The following PFKP variants were observed in gnomAD, a reference collection of about 807,000 sequenced individuals.
PFKP encodes ATP-dependent 6-phosphofructokinase, platelet type.
In PFKP, 101 loss-of-function variants were observed where a neutral mutation model predicts 94.3. The observed-to-expected ratio is 1.07, with a 90% confidence interval of 0.91 to 1.26. The LOEUF (loss-of-function observed/expected upper bound fraction) is 1.26. PFKP is among the 50% of genes most tolerant of loss of function. The pLI is 0.00. For synonymous variants in PFKP, 573 were observed against 432.6 expected, an observed-to-expected ratio of 1.32 and a Z score of -4.03; for missense variants, 1,145 against 1,103.3, an observed-to-expected ratio of 1.04 and a Z score of -0.53.
chr10:3,087,573 T>C (rs1298558744), intron 2 of PFKP, among the ~76,000 whole-genome samples: 2 of 152,222 alleles, frequency 1.3e-5, no homozygotes, highest in Non-Finnish European at 2.9e-5. Flanking sequence ...ATTTTTATGA[T>C]AACTTTTATA....
intron 16 of PFKP, among the ~76,000 whole-genome samples, chr10:3,126,899 A>AG (rs1457897156): frequency 6.6e-6 from 1 of 152,216 alleles, no homozygotes; most frequent in African/African-American, 2.4e-5. Context: ...CCCATCGTGC[A>AG]GGGGGAACGG....
intron 10 of PFKP, among the ~76,000 whole-genome samples, chr10:3,111,431 G>A (rs1564319023): frequency 6.6e-6 from 1 of 152,128 alleles, no homozygotes; most frequent in African/African-American, 2.4e-5. Context: ...TGCGGTACGT[G>A]TATTTTGAGC....
At chr10:3,120,185 A>G (rs1837258528) in intron 16 of PFKP, 141 bp downstream of exon 16, 5 of 728,510 alleles carry the variant, frequency 6.9e-6, no homozygotes, top group East Asian at 5.4e-5. Flanking sequence ...TTTCCCCCAG[A>G]AAAGTATGTT....
Position 3,136,741 on chromosome 10 carries a change from T to C in PFKP, c.*162T>C. 1.6e-6 allele frequency: 1 copy of C among 627,008 alleles called. No individual in the cohort carries two copies. Among genetic ancestry groups the C allele is most frequent in the Non-Finnish European group, 2.7e-6 (1 of 366,478 alleles). The allele number at this position is 627,008 out of a possible 1,614,324, so 38.8% of individuals were successfully genotyped here. ...TCCAGTGCGTGCTGTCTGTGGAGTG[T>C]GTCTCATGCTTTCAGATGTGCATAT... On this transcript the variant is annotated 3_prime_UTR_variant, in exon 22 of 22. Transcript: ENST00000381125.
At chr10:3,067,896 C>T (rs915491666) in intron 1 of PFKP, among the ~76,000 whole-genome samples, 189 bp downstream of exon 1, 2 of 152,036 alleles carry the variant, frequency 1.3e-5, no homozygotes, top group African/African-American at 4.8e-5. Flanking sequence ...GGGAAGAAGC[C>T]CGCGCCCGGA....
chr10:3,134,444 T>C, intron 19 of PFKP, 39 bp from the exon 20 acceptor site: 1 of 1,098,340 alleles, frequency 9.1e-7, no homozygotes, highest in Non-Finnish European at 1.4e-6. Context: ...AAAGTGTTAC[T>C]GTATAACTGG....
rs989743874 is a variant in PFKP, at chr10:3,101,506, C to G, written c.406C>G (p.Leu136Val). The change falls in exon 4 of 22, where the codon CTC becomes GTC. Residue 136 changes from leucine to valine, a missense_variant. By Grantham distance (32) the Leu-to-Val change is conservative. Transcript: ENST00000381125. ...GGACGGGAGCCTCACCGGGGCCAAC[C>G]TCTTCCGGAAGGAGTGGAGTGGGCT... is the stretch of plus-strand genomic sequence containing the variant. ...GGDGSLTGAN[L>V]FRKEWSGLLE... is the part of the protein sequence containing the mutation. The G allele has an allele frequency of 3.8e-6, 6 of 1,593,316 alleles. No individual in the cohort carries two copies. The African/African-American group carries it at 8.1e-5, about 21-fold the overall frequency.
intron 1 of PFKP, among the ~76,000 whole-genome samples, chr10:3,069,992 G>A (rs1209886709): frequency 6.6e-6 from 1 of 152,222 alleles, no homozygotes; most frequent in Non-Finnish European, 1.5e-5. Flanking sequence ...TGTGGGGAAC[G>A]CGGCTTGGTT....
intron 6 of PFKP, 96 bp from the exon 7 acceptor site, chr10:3,105,297 G>GTTA: frequency 7.6e-7 from 1 of 1,307,252 alleles, no homozygotes; most frequent in Non-Finnish European, 1.1e-6. Context: ...CATACCTGGC[G>GTTA]TTAGGTCTGC....
intron 16 of PFKP, among the ~76,000 whole-genome samples, chr10:3,121,581 G>GTTT (rs10528387): frequency 1.4e-4 from 19 of 133,094 alleles, no homozygotes; most frequent in East Asian, 4.6e-4. Flanking sequence ...ATAAATAACT[G>GTTT]TTTTTTTTTT....
intron 2 of PFKP, among the ~76,000 whole-genome samples, chr10:3,098,246 C>T (rs937675940): frequency 8.5e-5 from 13 of 152,108 alleles, no homozygotes; most frequent in African/African-American, 7.3e-5. Context: ...TTTTCTAAAT[C>T]CTTAATAGTT....
intron 16 of PFKP, among the ~76,000 whole-genome samples, chr10:3,125,618 A>G (rs528195415): frequency 1.1e-4 from 17 of 152,272 alleles, no homozygotes; most frequent in African/African-American, 4.1e-4. Context: ...GGTAAGTACG[A>G]GCTCCAGGAC....
At chr10:3,074,783 G>A (rs977697974) in intron 1 of PFKP, among the ~76,000 whole-genome samples, 38 of 152,324 alleles carry the variant, frequency 2.5e-4, no homozygotes, top group South Asian at 4.1e-4. Context: ...ACTATCAATA[G>A]GAGATTAATT....
At chr10:3,132,663 T>A (rs1342052740) in intron 18 of PFKP, among the ~76,000 whole-genome samples, 2 of 152,254 alleles carry the variant, frequency 1.3e-5, no homozygotes, top group Non-Finnish European at 2.9e-5. Context: ...TTCTTTGATA[T>A]CTTGCAATCA....
chr10:3,128,765 C>T (rs928820033), intron 16 of PFKP, among the ~76,000 whole-genome samples: 6 of 152,214 alleles, frequency 3.9e-5, no homozygotes, highest in African/African-American at 7.2e-5. Flanking sequence ...CCTTTATCAC[C>T]GCATGAGGGA....
Position 3,094,698 on chromosome 10 carries a change from G to A in PFKP, c.187-4577G>A, listed in dbSNP as rs1214880279. Among the ~76,000 whole-genome samples, 5 of 152,172 alleles carry A rather than the reference G, an allele frequency of 3.3e-5. No homozygotes were observed. In the South Asian group the frequency reaches 8.3e-4, roughly 25 times the overall value. ...GAAATTCCTGCCGCCTCTCTTTCTCGCACACCTAGTTTGGAACGCTGGTGT... is the reference window on the plus strand; with the variant it reads ...GAAATTCCTGCCGCCTCTCTTTCTCACACACCTAGTTTGGAACGCTGGTGT... On this transcript the variant is annotated intron_variant, in intron 2 of 21. Coordinates refer to ENST00000381125, the MANE Select transcript of PFKP (RefSeq NM_002627.5).
intron 16 of PFKP, among the ~76,000 whole-genome samples, chr10:3,127,530 C>T (rs913857120): frequency 1.2e-4 from 18 of 152,216 alleles, no homozygotes; most frequent in South Asian, 2.1e-4. Context: ...AGGCCCCACC[C>T]GTGCCTGGGA....
intron 4 of PFKP, among the ~76,000 whole-genome samples, chr10:3,102,589 T>G (rs1042134896): frequency 1.3e-5 from 2 of 152,026 alleles, no homozygotes; most frequent in Non-Finnish European, 2.9e-5. Context: ...TTTTTAAAAT[T>G]TTTTTATTTA....
intron 2 of PFKP, among the ~76,000 whole-genome samples, chr10:3,084,417 A>C (rs1265887233): frequency 2.6e-5 from 4 of 151,394 alleles, no homozygotes; most frequent in Non-Finnish European, 4.4e-5. Context: ...TTTGTTTATC[A>C]TTTGCTGGAA....
Sources: allele counts gnomAD v4.1 joint callset (sites outside exome capture counted in the v4.1 genomes callset), GRCh38; gene constraint gnomAD v4.1.1; transcripts MANE v1.5; gene names NCBI Gene and HGNC (gene_info 2026-07-23, HGNC 2026-07-21).